CEP164: variants seen among roughly 807,000 people sequenced by gnomAD.
CEP164 encodes the protein centrosomal protein of 164 kDa.
A neutral mutation model predicts 182.7 loss-of-function variants in CEP164; 162 were observed. That is an observed-to-expected ratio of 0.89 (90% CI 0.78 to 1.01). CEP164 has a LOEUF of 1.01. Ranked by LOEUF, CEP164 falls within the 50% of genes least tolerant of loss-of-function variation. The pLI is 0.00. For missense variants in CEP164, 1,735 were observed against 1,790.4 expected (o/e 0.97, Z 0.56); for synonymous variants, 661 against 690.0 (o/e 0.96, Z 0.66).
intron 1 of CEP164, among the ~76,000 whole-genome samples, chr11:117,333,411 C>G (rs1051665900): frequency 2.0e-5 from 3 of 152,230 alleles, no homozygotes; most frequent in Non-Finnish European, 2.9e-5. Flanking sequence ...TACCTTATTT[C>G]TCTGCATCAG....
At chr11:117,323,144 A>G (rs2035314900), upstream of CEP164, among the ~76,000 whole-genome samples, 2 of 151,224 alleles carry the variant, frequency 1.3e-5, no homozygotes, top group Non-Finnish European at 2.9e-5. Flanking sequence ...CAAGTGATCC[A>G]CTCACCTCCA....
intron 9 of CEP164, among the ~76,000 whole-genome samples, chr11:117,372,898 A>AT (rs1172482976): frequency 6.6e-6 from 1 of 152,178 alleles, no homozygotes; most frequent in Non-Finnish European, 1.5e-5. Context: ...CTTCTCGTCC[A>AT]TTTTTGTGGC....
chr11:117,371,175 A>G lies in CEP164; in HGVS notation c.861A>G (p.Pro287=). ...CTACTCCCTGCAAGCCCTCCAGCCC[A>G]GGTGCAGACAGCAGTCTGAGCAGTG... ...GPPTPCKPSS[P]GADSSLSSAV... is the part of the protein sequence containing the mutation. Residue 287 remains proline (P), a synonymous_variant, in exon 9 of 33, where the codon CCA becomes CCG. Transcript: ENST00000278935. 1 of 1,614,222 alleles carries G rather than the reference A, an allele frequency of 6.2e-7. No homozygotes were observed. The highest frequency in any genetic ancestry group is 8.5e-7 in the Non-Finnish European group (1 of 1,180,024).
chr11:117,403,152 C>T (rs759944022), intron 27 of CEP164, among the ~76,000 whole-genome samples: 6 of 152,160 alleles, frequency 3.9e-5, no homozygotes, highest in African/African-American at 1.2e-4. Context: ...TTAATTGGGG[C>T]GTTTAGCCTG....
upstream of CEP164, among the ~76,000 whole-genome samples, chr11:117,325,776 G>T (rs144481207): frequency 4.6e-5 from 7 of 152,222 alleles, no homozygotes; most frequent in African/African-American, 1.4e-4. Context: ...TGCTGCAGAA[G>T]GATTTAAATT....
At chr11:117,366,958 C>A (rs1322935080) in intron 8 of CEP164, among the ~76,000 whole-genome samples, 1 of 152,170 alleles carries the variant, frequency 6.6e-6, no homozygotes, top group Non-Finnish European at 1.5e-5. Flanking sequence ...TTTGAAAAAG[C>A]AGCAGAAATG....
chr11:117,336,625 TC>T, intron 2 of CEP164: 1 of 1,221,340 alleles, frequency 8.2e-7, no homozygotes, highest in Non-Finnish European at 1.2e-6. Context: ...GCATTGGGAT[TC>T]CACATGTTTA....
chr11:117,371,805 T>TC (rs2042222615), intron 9 of CEP164, among the ~76,000 whole-genome samples: 1 of 151,358 alleles, frequency 6.6e-6, no homozygotes, highest in East Asian at 1.9e-4. Context: ...CTTTTTTTTT[T>TC]TTTTTCTGTT....
intron 5 of CEP164, among the ~76,000 whole-genome samples, chr11:117,358,515 TC>T (rs2040563432): frequency 6.6e-6 from 1 of 151,474 alleles, no homozygotes; most frequent in African/African-American, 2.4e-5. Context: ...GAAGAAGCTT[TC>T]TTGGGCTCTT....
intron 3 of CEP164, 103 bp downstream of exon 3, chr11:117,338,771 TAC>T: frequency 1.1e-6 from 1 of 915,522 alleles, no homozygotes; most frequent in Non-Finnish European, 1.8e-6. Context: ...ATGGTACATG[TAC>T]AGAGTTGCTT....
chr11:117,360,161 A>G (rs1208261537), intron 5 of CEP164, among the ~76,000 whole-genome samples: 1 of 151,734 alleles, frequency 6.6e-6, no homozygotes, highest in Non-Finnish European at 1.5e-5. Flanking sequence ...AGACAGGGTC[A>G]TTTTTATTTT....
intron 1 of CEP164, among the ~76,000 whole-genome samples, chr11:117,329,612 G>T (rs912162109): frequency 1.3e-5 from 2 of 152,144 alleles, no homozygotes; most frequent in Admixed American, 6.6e-5. Flanking sequence ...TGCGATCTTG[G>T]CTCACTGCAG....
At chr11:117,328,193 G>T (rs1268257919) in intron 1 of CEP164, 2 of 152,386 alleles carry the variant, frequency 1.3e-5, no homozygotes, top group African/African-American at 4.8e-5. Flanking sequence ...CCGGGCCCGG[G>T]CTGGGGGTCT....
In CEP164 at chr11:117,375,792, G is replaced by T. The variant is rs1161389609; in HGVS notation, c.1317+1G>T. On this transcript the variant is annotated splice_donor_variant, in intron 11 of 32. Coordinates refer to ENST00000278935, the MANE Select transcript of CEP164 (RefSeq NM_014956.5). LOFTEE classifies it high-confidence loss of function. The stretch of plus-strand genomic sequence containing the variant: ...AGTCCTGGGTGGAGCTTGTCGGCAG[G>T]TGAGTTTCTGTGGGTGGTGGGCTGA... The T allele has an allele frequency of 1.9e-6, 3 of 1,613,882 alleles. No individual in the cohort carries two copies. Among genetic ancestry groups the T allele is most frequent in the African/African-American group, 2.7e-5 (2 of 74,894 alleles).
upstream of CEP164, among the ~76,000 whole-genome samples, chr11:117,327,067 T>C (rs2035489864): frequency 6.6e-6 from 1 of 152,248 alleles, no homozygotes; most frequent in African/African-American, 2.4e-5. Context: ...TCTTCTTCAA[T>C]AGACTCTTTG....
At chr11:117,396,275 A>G in intron 25 of CEP164, 95 bp downstream of exon 25, 1 of 1,394,176 alleles carries the variant, frequency 7.2e-7, no homozygotes, top group South Asian at 1.3e-5. Flanking sequence ...CAGAGGGGAC[A>G]GCTCATCAGG....
intron 1 of CEP164, among the ~76,000 whole-genome samples, chr11:117,330,462 A>G (rs974787474): frequency 1.3e-5 from 2 of 152,212 alleles, no homozygotes; most frequent in Non-Finnish European, 2.9e-5. Flanking sequence ...AGACTTGGCC[A>G]ACATGGTGAA....
intron 15 of CEP164, among the ~76,000 whole-genome samples, chr11:117,389,604 A>G (rs1339497872): frequency 6.6e-6 from 1 of 152,224 alleles, no homozygotes; most frequent in Admixed American, 6.5e-5. Flanking sequence ...TCCACATGTA[A>G]AGTGATGGGA....
chr11:117,325,903 AC>A (rs1316539261), upstream of CEP164, among the ~76,000 whole-genome samples: 2 of 143,590 alleles, frequency 1.4e-5, no homozygotes, highest in African/African-American at 2.6e-5. Flanking sequence ...GGCAAGTAGG[AC>A]CTTTTTTTTT....
Sources: gnomAD v4.1 joint callset for allele counts (sites outside exome capture counted in the v4.1 genomes callset) on GRCh38, gnomAD v4.1.1 for gene constraint, MANE v1.5 for transcripts, NCBI Gene and HGNC (gene_info 2026-07-23, HGNC 2026-07-21) for gene names.